The following ZNF878 variants were observed in gnomAD, a reference collection of about 807,000 sequenced individuals.
ZNF878 encodes zinc finger protein 878.
Under a neutral mutation model 11.1 loss-of-function variants are expected in ZNF878, and 10 were observed. The observed-to-expected ratio is 0.90, with a 90% confidence interval of 0.56 to 1.53. The LOEUF is 1.53. Among genes scored for constraint, ZNF878 ranks in the 40% most tolerant of loss-of-function variants. The pLI, the probability that ZNF878 is intolerant of heterozygous loss-of-function variation, is 0.00. For missense variants in ZNF878, 548 were observed against 626.1 expected (o/e 0.88, Z 1.33); for synonymous variants, 165 against 209.7 (o/e 0.79, Z 1.84).
chr19:12,044,827 T>G lies in ZNF878; in HGVS notation c.574A>C (p.Ile192Leu), dbSNP rs748116282. ...TCATAGGGTTTTTTTGCAGAGTGGA[T>G]TCTTTCATGTCTACGAACAGAACTG... ...FPSSVRRHER[I>L]HSAKKPYECK... The change falls in exon 4 of 4, where the codon ATC (isoleucine) becomes CTC (leucine). Residue 192 changes from isoleucine (I) to leucine (L), a missense_variant. Physicochemically the swap from Ile to Leu is conservative, Grantham distance 5 (BLOSUM62 2). Coordinates refer to ENST00000547628, the MANE Select transcript of ZNF878 (RefSeq NM_001080404.3). 2.5e-6 allele frequency: 4 copies of G among 1,614,050 alleles called. No individual in the cohort carries two copies. The highest frequency in any genetic ancestry group is 3.4e-6 in the Non-Finnish European group (4 of 1,180,024).
intron 1 of ZNF878, among the ~76,000 whole-genome samples, chr19:12,049,590 T>C (rs1283418180): frequency 2.0e-5 from 3 of 149,262 alleles, no homozygotes; most frequent in African/African-American, 5.0e-5. Flanking sequence ...GCCAACCTAG[T>C]GAAACCCCAT....
chr19:12,046,582 T>C, intron 2 of ZNF878, 52 bp downstream of exon 2: 1 of 1,612,350 alleles, frequency 6.2e-7, no homozygotes, highest in Non-Finnish European at 8.5e-7. Flanking sequence ...ACTGATGAGC[T>C]AGAAACACCT....
At position 12,052,780 on chromosome 19, in the gene ZNF878, C is replaced by G; in HGVS notation, c.3+19G>C. 6.5e-7 allele frequency: 1 copy of G among 1,535,942 alleles called. No homozygotes were observed. The highest frequency in any genetic ancestry group is 8.7e-7 in the Non-Finnish European group (1 of 1,146,726). On this transcript the variant is annotated intron_variant, in intron 1 of 3. Transcript: ENST00000547628. ...AGTCCCTCCTTTCGCCTTGGGACTC[C>G]CCAGCACCGCATGCTCACCATTTCC...
chr19:12,052,260 G>A (rs1388871532), intron 1 of ZNF878, among the ~76,000 whole-genome samples: 1 of 152,170 alleles, frequency 6.6e-6, no homozygotes, highest in East Asian at 1.9e-4. Context: ...CTCAGCCGAG[G>A]TCTCTCCTAT....
chr19:12,046,349 TC>T lies in ZNF878; in HGVS notation c.191+18del. 1 of 1,531,870 alleles carries T rather than the reference TC, an allele frequency of 6.5e-7. No homozygotes were observed. The highest frequency in any genetic ancestry group is 1.2e-5 in the South Asian group (1 of 82,004). 94.9% of individuals were successfully genotyped at this position (1,531,870 alleles called of 1,614,324 possible). ...GATTGTATACAGAGACATTGTTTTC[TC>T]TTTTAAGTGCCAGTTACCTTAGGTT... On this transcript the variant is annotated intron_variant, in intron 3 of 3. Transcript: ENST00000547628.
intron 3 of ZNF878, 194 bp downstream of exon 3, chr19:12,046,174 C>T: frequency 2.0e-6 from 1 of 510,502 alleles, no homozygotes; most frequent in Non-Finnish European, 3.4e-6. Context: ...TTCAAGCGAT[C>T]TTCCATCCTG....
At position 12,044,007 on chromosome 19, in the gene ZNF878, G is replaced by C. The variant is rs1335389638; in HGVS notation, c.1394C>G (p.Ser465Cys). The stretch of plus-strand genomic sequence containing the variant: ...GTGAGTCCTTTTATGATAGCGAATA[G>C]AATTAGAAGAAATGAAGGCTTTTCC... ...QCGKAFISSN[S>C]IRYHKRTHTG... Residue 465 changes from serine (S) to cysteine (C), a missense_variant, in exon 4 of 4, where the codon TCT becomes TGT. Physicochemically the swap from Ser to Cys is moderately radical, Grantham distance 112 (BLOSUM62 -1). Around this residue, in one of 3 missense-constraint regions of ZNF878, gnomAD observed 335 missense variants for 358.2 expected, o/e 0.94. Transcript: ENST00000547628. The C allele has an allele frequency of 6.2e-7, 1 of 1,609,614 alleles. No individual in the cohort carries two copies. The highest frequency in any genetic ancestry group is 1.7e-5 in the Admixed American group (1 of 59,766).
At position 12,045,211 on chromosome 19, in the gene ZNF878, T is replaced by C; in HGVS notation, c.192-2A>G. 1.3e-6 allele frequency: 2 copies of C among 1,587,130 alleles called. No homozygotes were observed. Among genetic ancestry groups the C allele is most frequent in the Non-Finnish European group, 1.7e-6 (2 of 1,167,976 alleles). ...GAGAGTCTCTCCCCTATAAGTCTTC[T>C]GTGAACAATGAAAGCACATTATAAT... On this transcript the variant is annotated splice_acceptor_variant, in intron 3 of 3. Transcript: ENST00000547628. LOFTEE classifies it high-confidence loss of function.
intron 3 of ZNF878, among the ~76,000 whole-genome samples, chr19:12,045,413 C>T (rs1445147981): frequency 3.3e-5 from 5 of 152,120 alleles, no homozygotes; most frequent in African/African-American, 7.2e-5. Flanking sequence ...TTTGGGAGGC[C>T]GAGGAGGGTG....
intron 1 of ZNF878, among the ~76,000 whole-genome samples, chr19:12,048,264 A>G (rs1016567534): frequency 1.3e-5 from 2 of 151,850 alleles, no homozygotes; most frequent in African/African-American, 4.8e-5. Context: ...CATGCCTGTA[A>G]TCCCAGCACT....
Position 12,049,222 on chromosome 19 carries a change from G to A in ZNF878, c.4-2462C>T, listed in dbSNP as rs62109815. 8.6e-3 allele frequency among the ~76,000 whole-genome samples: 1,302 copies of A among 150,926 alleles called. 5 individuals are homozygous for A. The highest frequency in any genetic ancestry group is 0.031 in the Middle Eastern group (9 of 292). On this transcript the variant is annotated intron_variant, in intron 1 of 3. Coordinates refer to ENST00000547628, the MANE Select transcript of ZNF878 (RefSeq NM_001080404.3). ...GCGGTGGCTCATGTCTGTAATTCCA[G>A]CACTTTGGGAGGTGGATCACCTGAG...
In ZNF878 at chr19:12,046,306, C is replaced by T. The variant is rs1464217779; in HGVS notation, c.191+62G>A. On this transcript the variant is annotated intron_variant, in intron 3 of 3. Transcript: ENST00000547628. Reference sequence around the variant, plus strand: ...GTTTCTTATGCTTGCTTCTTTTTAACCTTTTCTTCCATTCTAAGATTGTAT... The same window carrying T: ...GTTTCTTATGCTTGCTTCTTTTTAATCTTTTCTTCCATTCTAAGATTGTAT... 3.2e-6 allele frequency: 4 copies of T among 1,246,906 alleles called. No individual in the cohort carries two copies. In the African/African-American group the frequency reaches 4.6e-5, roughly 14 times the overall value. The allele number at this position is 1,246,906 out of a possible 1,614,324, so 77.2% of individuals were successfully genotyped here.
chr19:12,048,666 T>G (rs1175887222), intron 1 of ZNF878, among the ~76,000 whole-genome samples: 1 of 150,778 alleles, frequency 6.6e-6, no homozygotes, highest in Non-Finnish European at 1.5e-5. Flanking sequence ...AAACCACGTC[T>G]CTACTAAAAA....
At chr19:12,045,792 T>C (rs1013581751) in intron 3 of ZNF878, among the ~76,000 whole-genome samples, 3 of 151,982 alleles carry the variant, frequency 2.0e-5, no homozygotes, top group East Asian at 3.9e-4. Context: ...AGTGGCACCA[T>C]CCTGGCTCAC....
At chr19:12,052,326 A>G (rs1975559623) in intron 1 of ZNF878, among the ~76,000 whole-genome samples, 1 of 152,126 alleles carries the variant, frequency 6.6e-6, no homozygotes, top group Non-Finnish European at 1.5e-5. Context: ...ACCAAACCAC[A>G]AGCCAGGACT....
At chr19:12,046,570 G>A in intron 2 of ZNF878, 64 bp downstream of exon 2, 2 of 1,608,568 alleles carry the variant, frequency 1.2e-6, no homozygotes, top group South Asian at 1.1e-5. Context: ...TCACTCAACA[G>A]CACTGATGAG....
chr19:12,046,217 C>T lies in ZNF878; in HGVS notation c.191+151G>A, dbSNP rs1975485262. 1.3e-5 allele frequency: 8 copies of T among 620,744 alleles called. No homozygotes were observed. In the South Asian group the frequency reaches 1.7e-4, roughly 13 times the overall value. The allele number at this position is 620,744 out of a possible 1,614,324, so 38.5% of individuals were successfully genotyped here. ...AAAGGGCTGGATTATACACATAAGC[C>T]ATGTCACACTTTATATGTTTCTAGG... is the stretch of plus-strand genomic sequence containing the variant. On this transcript the variant is annotated intron_variant, in intron 3 of 3. Coordinates refer to ENST00000547628, the MANE Select transcript of ZNF878 (RefSeq NM_001080404.3).
At chr19:12,046,037 G>A (rs1008387339) in intron 3 of ZNF878, 7 of 226,128 alleles carry the variant, frequency 3.1e-5, no homozygotes, top group South Asian at 1.3e-4. Context: ...CTATTTTAAA[G>A]TAGACTATTT....
In ZNF878 at chr19:12,044,587, A is replaced by G. The variant is rs1180196948; in HGVS notation, c.814T>C (p.Tyr272His). ...KAFNCPSSFQ[Y>H]HERTHSGEKP... ...TCTCCACTGTGAGTCCTTTCATGAT[A>G]TTGAAAGGAACTGGGACAATTGAAG... Residue 272 changes from tyrosine (Y) to histidine (H), a missense_variant, in exon 4 of 4, where the codon TAT becomes CAT. Tyr to His is a moderately conservative substitution (Grantham distance 83). Transcript: ENST00000547628. 1.9e-6 allele frequency: 3 copies of G among 1,613,938 alleles called. No individual in the cohort carries two copies. The highest frequency in any genetic ancestry group is 1.1e-5 in the South Asian group (1 of 91,068).
Sources: allele counts gnomAD v4.1 joint callset (sites outside exome capture counted in the v4.1 genomes callset), GRCh38; gene constraint gnomAD v4.1.1; regional missense constraint gnomAD v4.1.1; transcripts MANE v1.5; gene names NCBI Gene and HGNC (gene_info 2026-07-23, HGNC 2026-07-21).